INVS: variants seen among roughly 807,000 people sequenced by gnomAD.
The protein encoded by INVS is inversion of embryo turning homolog.
INVS carries 86 observed loss-of-function variants against 108.8 expected under a neutral mutation model. The ratio of observed to expected loss-of-function variants is 0.79; its 90% CI spans 0.66 to 0.95. The LOEUF is 0.95. INVS is among the 40% of genes least tolerant of loss of function. INVS has a pLI of 0.00. For synonymous variants in INVS, 455 were observed against 473.5 expected (o/e 0.96, Z 0.51); for missense variants, 1,169 against 1,297.4 (o/e 0.90, Z 1.52).
rs772917131 is a variant in INVS at position 100,272,955 on chromosome 9, C to T, written c.1663C>T (p.Gln555Ter). The T allele has an allele frequency of 6.2e-7, 1 of 1,614,082 alleles. No homozygotes were observed. Among genetic ancestry groups the T allele is most frequent in the Admixed American group, 1.7e-5 (1 of 60,010 alleles). ...EHGALSIAAI[Q>*]DIAAFKIQAV... is the part of the protein sequence containing the mutation. Reference sequence around the variant, plus strand: ...CGGTGCCCTGTCCATCGCAGCCATACAAGACATCGCCGCCTTCAAAATCCA... The same window carrying T: ...CGGTGCCCTGTCCATCGCAGCCATATAAGACATCGCCGCCTTCAAAATCCA... The change falls in exon 12 of 17, where the codon CAA (glutamine) becomes TAA (stop). Residue 555 changes from glutamine (Q) to a stop codon, truncating the protein, a stop_gained. Transcript: ENST00000262457. LOFTEE classifies it high-confidence loss of function.
intron 3 of INVS, among the ~76,000 whole-genome samples, chr9:100,173,285 C>T (rs901833489): frequency 6.6e-5 from 10 of 152,098 alleles, no homozygotes; most frequent in Admixed American, 6.6e-4. Context: ...CTTGGAAGAC[C>T]GTAAGAAGAG....
intron 9 of INVS, 114 bp downstream of exon 9, chr9:100,252,552 G>A: frequency 1.0e-6 from 1 of 1,000,438 alleles, no homozygotes; most frequent in Middle Eastern, 2.8e-4. Flanking sequence ...CAAGGATGAA[G>A]GGATGATCAC....
intron 3 of INVS, among the ~76,000 whole-genome samples, chr9:100,167,383 T>C (rs748743265): frequency 6.6e-6 from 1 of 152,226 alleles, no homozygotes; most frequent in Non-Finnish European, 1.5e-5. Flanking sequence ...ACCTCAGTGC[T>C]GTTCCTCTAG....
chr9:100,261,927 G>T (rs942528749), intron 10 of INVS, among the ~76,000 whole-genome samples: 7 of 151,956 alleles, frequency 4.6e-5, no homozygotes, highest in African/African-American at 1.7e-4. Context: ...ATTCCCACTT[G>T]CCAAGAGTTT....
chr9:100,102,853 T>C (rs1026143717), intron 1 of INVS: 1 of 152,254 alleles, frequency 6.6e-6, no homozygotes, highest in Non-Finnish European at 1.5e-5. Flanking sequence ...AAAATAGTTT[T>C]TTAACTAATT....
chr9:100,104,315 T>C (rs1224572853), intron 1 of INVS, among the ~76,000 whole-genome samples, 183 bp from the exon 2 acceptor site: 1 of 152,212 alleles, frequency 6.6e-6, no homozygotes, highest in Non-Finnish European at 1.5e-5. Flanking sequence ...TCCTCCTGCG[T>C]TGGCCTTCCA....
In INVS at chr9:100,301,871, A is replaced by C. The variant is rs10989049; in HGVS notation, c.*1197A>C. Among the ~76,000 whole-genome samples, 1 of 151,918 alleles carries C rather than the reference A, an allele frequency of 6.6e-6. No homozygotes were observed. Among genetic ancestry groups the C allele is most frequent in the Non-Finnish European group, 1.5e-5 (1 of 67,980 alleles). Reference sequence around the variant, plus strand: ...CAAAGAAGGAGGTCTGCCTGGATGGAATTACAAAGATTTAGCCAGTTTCTT... The same window carrying C: ...CAAAGAAGGAGGTCTGCCTGGATGGCATTACAAAGATTTAGCCAGTTTCTT... On this transcript the variant is annotated 3_prime_UTR_variant, in exon 17 of 17. Transcript: ENST00000262457.
chr9:100,120,102 C>T (rs1827677041), intron 2 of INVS, among the ~76,000 whole-genome samples: 1 of 152,132 alleles, frequency 6.6e-6, no homozygotes, highest in South Asian at 2.1e-4. Context: ...ATCTCACTGA[C>T]TTAGGTTCTA....
intron 6 of INVS, 37 bp downstream of exon 6, chr9:100,240,277 C>G (rs373701348): frequency 3.3e-6 from 5 of 1,504,468 alleles, no homozygotes; most frequent in Non-Finnish European, 4.6e-6. Context: ...AAAGGAACTT[C>G]ATGAGTATAG....
At chr9:100,210,650 C>T (rs547740940) in intron 3 of INVS, among the ~76,000 whole-genome samples, 2 of 152,228 alleles carry the variant, frequency 1.3e-5, no homozygotes, top group Non-Finnish European at 1.5e-5. Flanking sequence ...CCTTTTTGTG[C>T]ATTTACCCTT....
At chr9:100,177,122 C>T (rs917869057) in intron 3 of INVS, among the ~76,000 whole-genome samples, 5 of 152,142 alleles carry the variant, frequency 3.3e-5, no homozygotes, top group Admixed American at 2.0e-4. Context: ...ACAATCTTTG[C>T]AACCCACAGA....
chr9:100,198,605 T>A (rs559662442), intron 3 of INVS, among the ~76,000 whole-genome samples: 1 of 151,360 alleles, frequency 6.6e-6, no homozygotes, highest in African/African-American at 2.4e-5. Flanking sequence ...TGGCATTTTT[T>A]TTTTTGGAGA....
At position 100,252,955 on chromosome 9, in the gene INVS, A is replaced by G. The variant is rs1363761078; in HGVS notation, c.1283A>G (p.His428Arg). ...LVDQDGHSLL[H>R]WAALGGNADV... Reference sequence around the variant, plus strand: ...GACCAAGATGGACATTCTCTTCTACATTGGGCAGCACTGGGAGGAAATGCT... The same window carrying G: ...GACCAAGATGGACATTCTCTTCTACGTTGGGCAGCACTGGGAGGAAATGCT... The change falls in exon 10 of 17, where the codon CAT becomes CGT. Residue 428 changes from histidine (H) to arginine (R), a missense_variant. Physicochemically the swap from His to Arg is conservative, Grantham distance 29 (BLOSUM62 0). This residue lies in a region of INVS where 271 missense variants were observed against 363.8 expected (regional missense o/e 0.74). Transcript: ENST00000262457. 1 of 1,613,834 alleles carries G rather than the reference A, an allele frequency of 6.2e-7. No homozygotes were observed. The highest frequency in any genetic ancestry group is 8.5e-7 in the Non-Finnish European group (1 of 1,179,884).
chr9:100,141,022 G>A (rs1014200860), intron 3 of INVS, among the ~76,000 whole-genome samples: 8 of 152,088 alleles, frequency 5.3e-5, no homozygotes, highest in Non-Finnish European at 1.0e-4. Context: ...GGCAGTTTGG[G>A]GATAGCTCCA....
chr9:100,259,517 G>C (rs1255141849), intron 10 of INVS, among the ~76,000 whole-genome samples: 1 of 150,790 alleles, frequency 6.6e-6, no homozygotes, highest in South Asian at 2.1e-4. Flanking sequence ...GAGAGCTGTA[G>C]ACTGGAGCTG....
intron 14 of INVS, among the ~76,000 whole-genome samples, chr9:100,295,443 T>C (rs970287246): frequency 2.6e-5 from 4 of 152,306 alleles, no homozygotes; most frequent in Non-Finnish European, 5.9e-5. Flanking sequence ...GATTCTATTA[T>C]ATTTTAACTA....
chr9:100,186,275 C>G (rs1234908184), intron 3 of INVS, among the ~76,000 whole-genome samples: 4 of 152,030 alleles, frequency 2.6e-5, no homozygotes, highest in Middle Eastern at 3.2e-3. Flanking sequence ...TCAGCCCCCT[C>G]AGTAGCTGGG....
At chr9:100,233,257 T>G (rs1831569230) in intron 5 of INVS, among the ~76,000 whole-genome samples, 1 of 152,200 alleles carries the variant, frequency 6.6e-6, no homozygotes. Flanking sequence ...CTTATCAGCT[T>G]AAGGAGTTTC....
chr9:100,219,004 C>G (rs1261099365), intron 3 of INVS, among the ~76,000 whole-genome samples: 1 of 152,040 alleles, frequency 6.6e-6, no homozygotes, highest in African/African-American at 2.4e-5. Flanking sequence ...AACCTGCAGA[C>G]AGAAATTTCA....
Sources: allele counts gnomAD v4.1 joint callset (sites outside exome capture counted in the v4.1 genomes callset), GRCh38; gene constraint gnomAD v4.1.1; regional missense constraint gnomAD v4.1.1; transcripts MANE v1.5; gene names NCBI Gene and HGNC (gene_info 2026-07-23, HGNC 2026-07-21).